PCSK2: variants seen among roughly 807,000 people sequenced by gnomAD.
PCSK2 encodes the protein neuroendocrine convertase 2.
Under a neutral mutation model 69.7 loss-of-function variants are expected in PCSK2, and 14 were observed. The ratio of observed to expected loss-of-function variants is 0.20; its 90% CI spans 0.13 to 0.31. The LOEUF is 0.31. Ranked by LOEUF, PCSK2 falls within the 10% of genes least tolerant of loss-of-function variation. The probability of loss-of-function intolerance (pLI) is 1.00; values close to 1 mark genes in which losing one functional copy is unlikely to be tolerated. For missense variants in PCSK2, 544 were observed against 842.5 expected, an observed-to-expected ratio of 0.65 and a Z score of 4.39; for synonymous variants, 307 against 320.7, an observed-to-expected ratio of 0.96 and a Z score of 0.46.
intron 8 of PCSK2, among the ~76,000 whole-genome samples, chr20:17,449,928 G>T (rs1351472976): frequency 6.8e-6 from 1 of 147,276 alleles, no homozygotes; most frequent in Non-Finnish European, 1.5e-5. Flanking sequence ...CTTCATCTTC[G>T]TCCCTCCTTC....
intron 4 of PCSK2, among the ~76,000 whole-genome samples, chr20:17,365,490 C>T (rs976366176): frequency 8.5e-5 from 13 of 152,174 alleles, no homozygotes; most frequent in Non-Finnish European, 1.2e-4. Flanking sequence ...TACAAATACA[C>T]TTTTTCTAGC....
intron 2 of PCSK2, among the ~76,000 whole-genome samples, chr20:17,278,355 T>C (rs1988171644): frequency 6.6e-6 from 1 of 152,122 alleles, no homozygotes; most frequent in Non-Finnish European, 1.5e-5. Context: ...ATTAAGAAAA[T>C]GTGGCATATA....
At chr20:17,404,291 C>T (rs942375867) in intron 5 of PCSK2, among the ~76,000 whole-genome samples, 6 of 152,208 alleles carry the variant, frequency 3.9e-5, no homozygotes, top group African/African-American at 1.4e-4. Context: ...TCAATCACAT[C>T]AGTGGATGTC....
chr20:17,296,747 A>T, intron 2 of PCSK2, among the ~76,000 whole-genome samples: 1 of 152,176 alleles, frequency 6.6e-6, no homozygotes, highest in East Asian at 1.9e-4. Flanking sequence ...AAAGTGTGAG[A>T]AGGATTTTTC....
chr20:17,250,405 T>C (rs1195395087), intron 1 of PCSK2, among the ~76,000 whole-genome samples: 1 of 152,210 alleles, frequency 6.6e-6, no homozygotes, highest in Non-Finnish European at 1.5e-5. Flanking sequence ...ACATGAACAA[T>C]GTGCCCTTCT....
intron 6 of PCSK2, among the ~76,000 whole-genome samples, chr20:17,417,589 C>A (rs1278249977): frequency 6.6e-6 from 1 of 152,190 alleles, no homozygotes; most frequent in African/African-American, 2.4e-5. Context: ...TTATGGGAGG[C>A]TGGTGAGGTG....
At chr20:17,303,337 AAT>A (rs1351931890) in intron 2 of PCSK2, among the ~76,000 whole-genome samples, 2 of 134,790 alleles carry the variant, frequency 1.5e-5, no homozygotes, top group Non-Finnish European at 3.1e-5. Context: ...TATTACATAT[AAT>A]ATATAATATA....
At chr20:17,395,626 G>A (rs1442562537) in intron 5 of PCSK2, among the ~76,000 whole-genome samples, 5 of 152,114 alleles carry the variant, frequency 3.3e-5, no homozygotes, top group African/African-American at 1.2e-4. Flanking sequence ...AAACTGCTGT[G>A]GGGCTCACAC....
At chr20:17,445,854 T>TA (rs1437467040) in intron 8 of PCSK2, among the ~76,000 whole-genome samples, 1 of 152,256 alleles carries the variant, frequency 6.6e-6, no homozygotes, top group Non-Finnish European at 1.5e-5. Flanking sequence ...CTGGTGCCGT[T>TA]ACCGTCCTTC....
rs569027753 is a variant in PCSK2 at position 17,482,161 on chromosome 20, C to T, written c.*91C>T. 7 of 1,216,474 alleles carry T rather than the reference C, an allele frequency of 5.8e-6. No homozygotes were observed. The South Asian group carries it at 1.1e-4, about 19-fold the overall frequency. The allele number at this position is 1,216,474 out of a possible 1,614,324, so 75.4% of individuals were successfully genotyped here. A position where few individuals can be genotyped will look rare whatever the true frequency, so the allele number is the denominator to read the frequency against. On this transcript the variant is annotated 3_prime_UTR_variant, in exon 12 of 12. Coordinates refer to ENST00000262545, the MANE Select transcript of PCSK2 (RefSeq NM_002594.5). The stretch of plus-strand genomic sequence containing the variant: ...TCAGGCAGGCACCTAGCAATTCCAT[C>T]ACCCGTACAGGCAATTCCGTCTTCT...
At chr20:17,285,367 G>A (rs527685042) in intron 2 of PCSK2, among the ~76,000 whole-genome samples, 1 of 152,134 alleles carries the variant, frequency 6.6e-6, no homozygotes, top group Non-Finnish European at 1.5e-5. Flanking sequence ...TTACCATGTC[G>A]ATTGATAATT....
chr20:17,259,918 G>A (rs1987312749), intron 1 of PCSK2, among the ~76,000 whole-genome samples: 1 of 152,134 alleles, frequency 6.6e-6, no homozygotes, highest in Non-Finnish European at 1.5e-5. Flanking sequence ...AGAATCTGAT[G>A]CAGGTGTGAA....
chr20:17,454,761 A>G (rs2032887644), intron 9 of PCSK2, among the ~76,000 whole-genome samples: 1 of 152,180 alleles, frequency 6.6e-6, no homozygotes, highest in African/African-American at 2.4e-5. Flanking sequence ...GGCTGCACCC[A>G]TCTCCACTGA....
chr20:17,386,803 T>G (rs2031247318), intron 5 of PCSK2, among the ~76,000 whole-genome samples: 1 of 152,224 alleles, frequency 6.6e-6, no homozygotes, highest in Admixed American at 6.5e-5. Context: ...ACTATTACAA[T>G]GAATACATCG....
In PCSK2 at chr20:17,373,021, C is replaced by A. The variant is rs2030818432; in HGVS notation, c.543+3744C>A. On this transcript the variant is annotated intron_variant, in intron 5 of 11. Coordinates refer to ENST00000262545, the MANE Select transcript of PCSK2 (RefSeq NM_002594.5). ...CAGAGAATTAGCAGGCAGCTTCACACCTCGTTAAGTGACCTAATGGCTTGG... is the reference window on the plus strand; with the variant it reads ...CAGAGAATTAGCAGGCAGCTTCACAACTCGTTAAGTGACCTAATGGCTTGG... Among the ~76,000 whole-genome samples, 4 of 152,194 alleles carry A rather than the reference C, an allele frequency of 2.6e-5. No individual in the cohort carries two copies. The South Asian group carries it at 8.3e-4, about 32-fold the overall frequency.
At chr20:17,401,315 G>T (rs2031631061) in intron 5 of PCSK2, among the ~76,000 whole-genome samples, 1 of 152,138 alleles carries the variant, frequency 6.6e-6, no homozygotes, top group Non-Finnish European at 1.5e-5. Flanking sequence ...CAAGACCAAG[G>T]TGCCAGCAGA....
At chr20:17,363,698 C>T (rs1378681310) in intron 4 of PCSK2, among the ~76,000 whole-genome samples, 1 of 152,158 alleles carries the variant, frequency 6.6e-6, no homozygotes, top group Non-Finnish European at 1.5e-5. Context: ...AGATGGAAGG[C>T]CAGCGAGCTA....
intron 8 of PCSK2, among the ~76,000 whole-genome samples, chr20:17,450,014 TC>T (rs2032789203): frequency 1.4e-5 from 2 of 141,466 alleles, no homozygotes; most frequent in Non-Finnish European, 3.0e-5. Context: ...TTGAATTTCT[TC>T]CCTTTTTTTT....
intron 7 of PCSK2, among the ~76,000 whole-genome samples, chr20:17,431,604 C>T (rs138169288): frequency 1.0e-3 from 156 of 152,284 alleles, no homozygotes; most frequent in African/African-American, 3.7e-3. Flanking sequence ...TTCCCACTCC[C>T]TTAGCCCCAG....
Sources: gnomAD v4.1 joint callset for allele counts (sites outside exome capture counted in the v4.1 genomes callset) on GRCh38, gnomAD v4.1.1 for gene constraint, MANE v1.5 for transcripts, NCBI Gene and HGNC (gene_info 2026-07-23, HGNC 2026-07-21) for gene names.